Variants in EPHA6 observed in about 807,000 individuals in gnomAD.
EPHA6 encodes EPH receptor A6, also known as ephrin type-A receptor 6.
EPHA6 carries 50 observed loss-of-function variants against 112.0 expected under a neutral mutation model. The observed-to-expected ratio is 0.45, with a 90% CI of 0.36 to 0.56. The LOEUF is 0.56. EPHA6 is among the 20% of genes least tolerant of loss of function. The pLI, the probability that EPHA6 is intolerant of heterozygous loss-of-function variation, is 0.00. For missense variants in EPHA6, 1,280 were observed against 1,417.4 expected, an observed-to-expected ratio of 0.90 and a Z score of 1.56; for synonymous variants, 529 against 490.7, an observed-to-expected ratio of 1.08 and a Z score of -1.03.
chr3:97,081,585 C>T (rs2046721845), intron 3 of EPHA6, among the ~76,000 whole-genome samples: 1 of 151,764 alleles, frequency 6.6e-6, no homozygotes, highest in East Asian at 1.9e-4. Flanking sequence ...TGTAAGTATA[C>T]ATTTTAGTCA....
chr3:97,652,397 T>C (rs906827356), intron 14 of EPHA6, among the ~76,000 whole-genome samples: 2 of 152,090 alleles, frequency 1.3e-5, no homozygotes, highest in African/African-American at 4.8e-5. Flanking sequence ...TATTTCTTCC[T>C]GGCTAATGAA....
chr3:97,182,603 T>C (rs2077019911), intron 3 of EPHA6, among the ~76,000 whole-genome samples: 1 of 152,106 alleles, frequency 6.6e-6, no homozygotes, highest in Non-Finnish European at 1.5e-5. Context: ...CAGAACTGCA[T>C]CCTACTCTTG....
intron 2 of EPHA6, among the ~76,000 whole-genome samples, chr3:96,869,898 T>A (rs947510891): frequency 6.6e-6 from 1 of 152,082 alleles, no homozygotes; most frequent in Non-Finnish European, 1.5e-5. Context: ...TCTTTGTGTT[T>A]CTCTAATACT....
chr3:97,281,442 T>C (rs185796134), intron 5 of EPHA6, among the ~76,000 whole-genome samples: 2 of 152,252 alleles, frequency 1.3e-5, no homozygotes, highest in Admixed American at 1.3e-4. Flanking sequence ...TATGAGTAAA[T>C]TTAGATATTT....
intron 14 of EPHA6, among the ~76,000 whole-genome samples, chr3:97,678,478 G>A (rs1391548093): frequency 2.6e-5 from 4 of 152,080 alleles, no homozygotes; most frequent in Non-Finnish European, 5.9e-5. Context: ...AGGGATAAAG[G>A]GCCAATAAGA....
intron 6 of EPHA6, among the ~76,000 whole-genome samples, chr3:97,408,527 TA>T (rs769596152): frequency 6.6e-6 from 1 of 152,080 alleles, no homozygotes; most frequent in Non-Finnish European, 1.5e-5. Context: ...GGCTATGTGA[TA>T]AAAACTAATA....
At chr3:97,451,322 A>G (rs893898648) in intron 7 of EPHA6, among the ~76,000 whole-genome samples, 6 of 151,960 alleles carry the variant, frequency 3.9e-5, no homozygotes, top group African/African-American at 1.4e-4. Context: ...AGAAACTTGT[A>G]TAACTTTACC....
rs141070506 is a variant in EPHA6 at position 97,037,644 on chromosome 3, G to A, written c.1114+49651G>A. Among the ~76,000 whole-genome samples the A allele has an allele frequency of 5.5e-3, 841 of 152,084 alleles. 7 individuals carry two copies. Among genetic ancestry groups the A allele is most frequent in the African/African-American group, 0.02 (818 of 41,508 alleles). ...CTAAAGGATCATAAATGCTGAGAGT[G>A]GAAGGTGATATAATTTGAAAAGAGG... On this transcript the variant is annotated intron_variant, in intron 3 of 17. Coordinates refer to ENST00000389672, the MANE Select transcript of EPHA6 (RefSeq NM_001080448.3).
At chr3:97,152,327 C>G (rs2076188586) in intron 3 of EPHA6, among the ~76,000 whole-genome samples, 1 of 151,674 alleles carries the variant, frequency 6.6e-6, no homozygotes, top group Non-Finnish European at 1.5e-5. Flanking sequence ...AAATTCACTT[C>G]TGCAACAGCT....
chr3:97,359,938 C>G (rs1250502160), intron 5 of EPHA6, among the ~76,000 whole-genome samples: 1 of 151,972 alleles, frequency 6.6e-6, no homozygotes, highest in Non-Finnish European at 1.5e-5. Flanking sequence ...CTTTTGCTTG[C>G]CTTTCATGTA....
intron 3 of EPHA6, among the ~76,000 whole-genome samples, chr3:97,202,490 C>A (rs898962638): frequency 3.3e-5 from 5 of 151,978 alleles, no homozygotes; most frequent in South Asian, 2.1e-4. Flanking sequence ...TGCCTCCATG[C>A]CCGGCTAGGT....
intron 3 of EPHA6, among the ~76,000 whole-genome samples, chr3:97,063,428 A>G (rs1198441104): frequency 1.3e-5 from 2 of 152,214 alleles, no homozygotes; most frequent in Non-Finnish European, 2.9e-5. Context: ...GGAATCCATT[A>G]TCCCCAGCAA....
chr3:97,281,196 A>C (rs956980672), intron 5 of EPHA6, among the ~76,000 whole-genome samples: 3 of 97,518 alleles, frequency 3.1e-5, no homozygotes, highest in African/African-American at 1.3e-4. Flanking sequence ...TAATTCAAAG[A>C]GTCTATGTGT....
In EPHA6 at chr3:97,153,957, G is replaced by A. The variant is rs139186663; in HGVS notation, c.1115-72307G>A. ...GAGGCAGGAGGATCACCTGATGTCA[G>A]GAGTTCGAAACCAGCCTGCCCAACA... On this transcript the variant is annotated intron_variant, in intron 3 of 17. Coordinates refer to ENST00000389672, the MANE Select transcript of EPHA6 (RefSeq NM_001080448.3). Among the ~76,000 whole-genome samples, 745 of 152,202 alleles carry A rather than the reference G, an allele frequency of 4.9e-3. 6 individuals carry two copies. The highest frequency in any genetic ancestry group is 0.016 in the African/African-American group (658 of 41,532).
intron 5 of EPHA6, among the ~76,000 whole-genome samples, chr3:97,372,031 C>T (rs1296719533): frequency 6.6e-6 from 1 of 152,076 alleles, no homozygotes; most frequent in Non-Finnish European, 1.5e-5. Flanking sequence ...TTTAATTTTG[C>T]CCCGGTCCTG....
chr3:97,643,035 C>T, intron 14 of EPHA6, among the ~76,000 whole-genome samples: 1 of 152,034 alleles, frequency 6.6e-6, no homozygotes, highest in Non-Finnish European at 1.5e-5. Context: ...TAAGGGCAGC[C>T]AGAGAGAAAG....
intron 11 of EPHA6, among the ~76,000 whole-genome samples, chr3:97,537,925 T>G (rs1327048147): frequency 6.6e-6 from 1 of 152,068 alleles, no homozygotes; most frequent in South Asian, 2.1e-4. Context: ...AACTAACTGC[T>G]AGAGGAGACA....
intron 5 of EPHA6, among the ~76,000 whole-genome samples, chr3:97,274,289 T>G (rs895149877): frequency 6.6e-6 from 1 of 152,006 alleles, no homozygotes; most frequent in South Asian, 2.1e-4. Context: ...AAACTGGCCA[T>G]GAGGGACAGA....
rs991953010 is a variant in EPHA6, at chr3:97,753,591, T to C, written c.*4890T>C. ...TCAGTTCGTATATGGATTCACTACC[T>C]CAAAGGTGCCTCCTGTTAGAAAACA... On this transcript the variant is annotated 3_prime_UTR_variant, in exon 18 of 18. Coordinates refer to ENST00000389672, the MANE Select transcript of EPHA6 (RefSeq NM_001080448.3). Among the ~76,000 whole-genome samples the C allele has an allele frequency of 6.6e-6, 1 of 152,200 alleles. No homozygotes were observed. Among genetic ancestry groups the C allele is most frequent in the Non-Finnish European group, 1.5e-5 (1 of 68,024 alleles).
Sources: allele counts gnomAD v4.1 joint callset (sites outside exome capture counted in the v4.1 genomes callset), GRCh38; gene constraint gnomAD v4.1.1; transcripts MANE v1.5; gene names NCBI Gene and HGNC (gene_info 2026-07-23, HGNC 2026-07-21).